Variants in CSMD1 observed in about 807,000 individuals in gnomAD.
CSMD1 encodes CUB and Sushi multiple domains 1, also known as CUB and sushi domain-containing protein 1.
Under a neutral mutation model 417.5 loss-of-function variants are expected in CSMD1, and 213 were observed. That is an observed-to-expected ratio of 0.51 (90% CI 0.46 to 0.57). CSMD1 has a LOEUF of 0.57. Among genes scored for constraint, CSMD1 ranks in the 20% least tolerant of loss-of-function variants. The probability of loss-of-function intolerance (pLI) is 0.00; values close to 1 mark genes in which losing one functional copy is unlikely to be tolerated. For synonymous variants in CSMD1, 2,862 were observed against 1,736.8 expected (o/e 1.65, Z -16.11); for missense variants, 6,923 against 4,529.7 (o/e 1.53, Z -15.17).
chr8:3,862,342 C>T (rs1260622398), intron 5 of CSMD1, among the ~76,000 whole-genome samples: 1 of 152,156 alleles, frequency 6.6e-6, no homozygotes, highest in African/African-American at 2.4e-5. Flanking sequence ...ACCAGGTGAC[C>T]TCACTTTGCT....
chr8:4,521,750 T>C (rs1249962366), intron 2 of CSMD1, among the ~76,000 whole-genome samples: 2 of 152,080 alleles, frequency 1.3e-5, no homozygotes, highest in African/African-American at 4.8e-5. Context: ...ACAGAAGGCA[T>C]AGATTAGAGA....
chr8:4,306,532 A>G (rs545770767), intron 3 of CSMD1, among the ~76,000 whole-genome samples: 4 of 152,318 alleles, frequency 2.6e-5, no homozygotes, highest in South Asian at 4.1e-4. Context: ...CTCATCTTGA[A>G]GACAAAATTT....
chr8:3,530,821 G>C (rs181333117), intron 10 of CSMD1, among the ~76,000 whole-genome samples: 2 of 148,474 alleles, frequency 1.3e-5, no homozygotes, highest in East Asian at 4.1e-4. Flanking sequence ...GAGCCACCAT[G>C]CCTGCCCTGC....
At chr8:4,332,124 A>G (rs960794628) in intron 3 of CSMD1, among the ~76,000 whole-genome samples, 1 of 152,132 alleles carries the variant, frequency 6.6e-6, no homozygotes, top group Non-Finnish European at 1.5e-5. Context: ...ATTCTACCCC[A>G]AAGTTGTGAT....
intron 3 of CSMD1, among the ~76,000 whole-genome samples, chr8:4,043,069 G>C (rs1028619572): frequency 5.3e-5 from 8 of 151,884 alleles, no homozygotes; most frequent in Non-Finnish European, 1.2e-4. Flanking sequence ...GAGGCACAGG[G>C]TGCAGTGAGC....
At chr8:4,806,816 G>C (rs1798615642) in intron 1 of CSMD1, among the ~76,000 whole-genome samples, 1 of 152,114 alleles carries the variant, frequency 6.6e-6, no homozygotes, top group Non-Finnish European at 1.5e-5. Flanking sequence ...CTATGAATTT[G>C]AGGGAAGCAG....
intron 3 of CSMD1, among the ~76,000 whole-genome samples, chr8:4,218,429 A>G (rs934805698): frequency 1.3e-5 from 2 of 152,154 alleles, no homozygotes; most frequent in Non-Finnish European, 2.9e-5. Flanking sequence ...TTATATACCT[A>G]CTTTTATTCT....
chr8:3,054,918 A>C (rs2128990852), intron 49 of CSMD1, among the ~76,000 whole-genome samples: 1 of 152,342 alleles, frequency 6.6e-6, no homozygotes, highest in African/African-American at 2.4e-5. Context: ...TGAATGCAGT[A>C]AATGCCAGAG....
Position 4,232,168 on chromosome 8 carries a change from T to C in CSMD1, c.415+187785A>G, listed in dbSNP as rs778170082. Among the ~76,000 whole-genome samples the C allele has an allele frequency of 4.4e-4, 67 of 152,286 alleles. 1 individual carries two copies. Among genetic ancestry groups the C allele is most frequent in the Middle Eastern group, 6.8e-3 (2 of 292 alleles). Reference sequence around the variant, plus strand: ...TTTTCTAAACTTCAAAATCCAAGTGTATTGAGAAACACTTGTCCTTTATTT... The same window carrying C: ...TTTTCTAAACTTCAAAATCCAAGTGCATTGAGAAACACTTGTCCTTTATTT... On this transcript the variant is annotated intron_variant, in intron 3 of 69. Coordinates refer to ENST00000635120, the MANE Select transcript of CSMD1 (RefSeq NM_033225.6).
chr8:4,344,529 TATAA>T (rs1452968617), intron 3 of CSMD1, among the ~76,000 whole-genome samples: 3 of 150,932 alleles, frequency 2.0e-5, no homozygotes, highest in South Asian at 2.1e-4. Context: ...CAGAAATATA[TATAA>T]ATAAATAGGT....
intron 30 of CSMD1, among the ~76,000 whole-genome samples, chr8:3,206,763 G>T (rs1034044828): frequency 6.6e-6 from 1 of 151,878 alleles, no homozygotes; most frequent in African/African-American, 2.4e-5. Flanking sequence ...ATTTACTTTG[G>T]CTTCACTTTT....
chr8:4,207,319 G>T (rs1468404885), intron 3 of CSMD1, among the ~76,000 whole-genome samples: 1 of 152,024 alleles, frequency 6.6e-6, no homozygotes, highest in Admixed American at 6.6e-5. Flanking sequence ...AACTTTTAGT[G>T]GCTAGGACTC....
intron 38 of CSMD1, among the ~76,000 whole-genome samples, chr8:3,159,249 T>A (rs746806187): frequency 4.6e-5 from 7 of 152,242 alleles, no homozygotes; most frequent in Non-Finnish European, 8.8e-5. Context: ...TATTCTGCTA[T>A]TGATTTTGTT....
intron 1 of CSMD1, among the ~76,000 whole-genome samples, chr8:4,947,958 C>CT (rs1157190427): frequency 3.9e-5 from 6 of 151,958 alleles, no homozygotes; most frequent in African/African-American, 9.6e-5. Flanking sequence ...CTATTGTTTT[C>CT]TTTTTTTAAG....
intron 1 of CSMD1, among the ~76,000 whole-genome samples, chr8:4,927,507 C>T (rs1024121920): frequency 4.6e-5 from 7 of 152,132 alleles, no homozygotes; most frequent in African/African-American, 1.7e-4. Flanking sequence ...TCTGCGATGC[C>T]AGTCCTTTTT....
At chr8:4,394,428 A>G (rs1804066761) in intron 3 of CSMD1, among the ~76,000 whole-genome samples, 2 of 152,162 alleles carry the variant, frequency 1.3e-5, no homozygotes, top group South Asian at 2.1e-4. Flanking sequence ...GTCCTATTCA[A>G]TATGCGATTT....
chr8:4,567,061 T>G (rs1798648804), intron 2 of CSMD1, among the ~76,000 whole-genome samples: 1 of 152,180 alleles, frequency 6.6e-6, no homozygotes, highest in South Asian at 2.1e-4. Flanking sequence ...AAAGGGGGCT[T>G]CCATAAATAG....
At position 4,441,098 on chromosome 8, in the gene CSMD1, T is replaced by TTTG. The variant is rs1376398610; in HGVS notation, c.303-21034_303-21033insCAA. Among the ~76,000 whole-genome samples the TTTG allele has an allele frequency of 5.6e-4, 54 of 95,812 alleles. 4 individuals carry two copies. Among genetic ancestry groups the TTTG allele is most frequent in the African/African-American group, 2.0e-3 (52 of 25,690 alleles). The allele number at this position is 95,812 out of a possible 152,430, so 62.9% of individuals were successfully genotyped here. ...AATTTGACTCGTTAATCAAAAGGTT[T>TTTG]TTTTTTTTTTTTTTTTTTTTAAGAG... On this transcript the variant is annotated intron_variant, in intron 2 of 69. Transcript: ENST00000635120.
At chr8:3,712,871 G>A (rs763482989) in intron 6 of CSMD1, among the ~76,000 whole-genome samples, 4 of 152,124 alleles carry the variant, frequency 2.6e-5, no homozygotes, top group Non-Finnish European at 4.4e-5. Flanking sequence ...GGAGATGCTG[G>A]TCAAAAGATG....
Sources: allele counts gnomAD v4.1 joint callset (sites outside exome capture counted in the v4.1 genomes callset), GRCh38; gene constraint gnomAD v4.1.1; transcripts MANE v1.5; gene names NCBI Gene and HGNC (gene_info 2026-07-23, HGNC 2026-07-21).